PCCA: variants seen among roughly 807,000 people sequenced by gnomAD.
PCCA encodes the protein propionyl-CoA carboxylase alpha chain, mitochondrial.
In PCCA, 74 loss-of-function variants were observed where a neutral mutation model predicts 101.3. That is an observed-to-expected ratio of 0.73 (90% confidence interval 0.61 to 0.89). PCCA has a LOEUF of 0.89. Ranked by LOEUF, PCCA falls within the 40% of genes least tolerant of loss-of-function variation. The probability of loss-of-function intolerance (pLI) is 0.00; values close to 1 mark genes in which losing one functional copy is unlikely to be tolerated. For synonymous variants in PCCA, 294 were observed against 313.6 expected, an observed-to-expected ratio of 0.94 and a Z score of 0.66; for missense variants, 891 against 907.0, an observed-to-expected ratio of 0.98 and a Z score of 0.23.
chr13:100,376,802 A>G (rs575799620), intron 19 of PCCA, among the ~76,000 whole-genome samples: 15 of 152,048 alleles, frequency 9.9e-5, no homozygotes, highest in Non-Finnish European at 2.2e-4. Flanking sequence ...CCCCGTTTCC[A>G]GGGGAGTGAA....
intron 7 of PCCA, among the ~76,000 whole-genome samples, chr13:100,227,601 G>T (rs1030650150): frequency 6.6e-6 from 1 of 152,098 alleles, no homozygotes; most frequent in African/African-American, 2.4e-5. Flanking sequence ...CCTTTTCTCC[G>T]TTTCTTAAGC....
At chr13:100,140,909 CAG>C (rs1226652346) in intron 4 of PCCA, among the ~76,000 whole-genome samples, 1 of 152,096 alleles carries the variant, frequency 6.6e-6, no homozygotes, top group Non-Finnish European at 1.5e-5. Context: ...GGTTAGATAA[CAG>C]AGGAAAATAA....
intron 18 of PCCA, among the ~76,000 whole-genome samples, chr13:100,361,444 CTTTTTT>C (rs71419745): frequency 6.7e-6 from 1 of 149,298 alleles, no homozygotes; most frequent in East Asian, 2.0e-4. Flanking sequence ...AAAATAATGT[CTTTTTT>C]TTTTTTTTTA....
At chr13:100,391,323 G>T (rs1393413141) in intron 19 of PCCA, among the ~76,000 whole-genome samples, 2 of 152,216 alleles carry the variant, frequency 1.3e-5, no homozygotes, top group East Asian at 3.9e-4. Flanking sequence ...GATGAAGGGA[G>T]AGTTGGTGAC....
chr13:100,390,120 A>G (rs1477115456), intron 19 of PCCA, among the ~76,000 whole-genome samples: 1 of 152,200 alleles, frequency 6.6e-6, no homozygotes, highest in Non-Finnish European at 1.5e-5. Context: ...AGCAGTAATA[A>G]TATTAGCTAA....
At chr13:100,222,462 G>A (rs763874230) in intron 7 of PCCA, among the ~76,000 whole-genome samples, 4 of 151,988 alleles carry the variant, frequency 2.6e-5, no homozygotes, top group Non-Finnish European at 5.9e-5. Context: ...TTTAAATTTG[G>A]CTATTAATTT....
intron 4 of PCCA, among the ~76,000 whole-genome samples, chr13:100,137,679 A>G (rs9585357): frequency 0.057 from 8,691 of 151,904 alleles, 850 homozygotes; most frequent in African/African-American, 0.2. Context: ...TGATGTTTGC[A>G]TCGTATTTTT....
chr13:100,155,630 A>G (rs1351194123), intron 5 of PCCA, among the ~76,000 whole-genome samples: 2 of 152,190 alleles, frequency 1.3e-5, no homozygotes, highest in Non-Finnish European at 2.9e-5. Context: ...AGTGGAATCC[A>G]AGGAAAAAAA....
chr13:100,328,371 TATAATAATAATAATAATA>T (rs58866207), intron 16 of PCCA, among the ~76,000 whole-genome samples: 2 of 141,882 alleles, frequency 1.4e-5, no homozygotes, highest in Non-Finnish European at 3.0e-5. Flanking sequence ...TCAAAAAATA[TATAATAATAATAATAATA>T]ATAATAATAA....
chr13:100,268,654 G>T, intron 10 of PCCA, 35 bp from the exon 11 acceptor site: 1 of 1,451,240 alleles, frequency 6.9e-7, no homozygotes, highest in Non-Finnish European at 9.7e-7. Context: ...TGTGGGTGTG[G>T]TTATATGGTT....
Position 100,264,014 on chromosome 13 carries a change from C to T in PCCA, c.819+1183C>T, listed in dbSNP as rs187226636. Among the ~76,000 whole-genome samples the T allele has an allele frequency of 3.3e-4, 47 of 141,460 alleles. No individual in the cohort carries two copies. The South Asian group carries it at 4.6e-3, about 14-fold the overall frequency. 92.8% of individuals were successfully genotyped at this position (141,460 alleles called of 152,430 possible). A position where few individuals can be genotyped will look rare whatever the true frequency, so the allele number is the denominator to read the frequency against. On this transcript the variant is annotated intron_variant, in intron 10 of 23. Coordinates refer to ENST00000376285, the MANE Select transcript of PCCA (RefSeq NM_000282.4). ...ACGGTATCTGTATATCGTATATATACGGTATCTGTATATCGTATATATACG... is the reference window on the plus strand; with the variant it reads ...ACGGTATCTGTATATCGTATATATATGGTATCTGTATATCGTATATATACG...
chr13:100,409,618 C>T (rs184885292), intron 19 of PCCA, among the ~76,000 whole-genome samples: 6 of 152,206 alleles, frequency 3.9e-5, no homozygotes, highest in South Asian at 2.1e-4. Flanking sequence ...GGCCCCTTCC[C>T]GCCTGGCTAT....
intron 19 of PCCA, among the ~76,000 whole-genome samples, chr13:100,384,799 A>G (rs1325249848): frequency 6.6e-6 from 1 of 152,156 alleles, no homozygotes; most frequent in African/African-American, 2.4e-5. Flanking sequence ...TATGGCTTAA[A>G]TACAGAGAAG....
intron 19 of PCCA, among the ~76,000 whole-genome samples, chr13:100,416,621 C>G (rs541312681): frequency 3.3e-5 from 5 of 151,882 alleles, no homozygotes; most frequent in African/African-American, 1.2e-4. Context: ...CAACCTCCAC[C>G]TGCCGGGTTC....
At chr13:100,490,545 A>G (rs2084827939) in intron 21 of PCCA, 2 of 152,198 alleles carry the variant, frequency 1.3e-5, no homozygotes, top group South Asian at 2.1e-4. Context: ...GCACTTTTCT[A>G]AACATTTTTA....
chr13:100,382,470 C>T (rs2076282685), intron 19 of PCCA, among the ~76,000 whole-genome samples: 1 of 152,134 alleles, frequency 6.6e-6, no homozygotes, highest in South Asian at 2.1e-4. Flanking sequence ...GAGAAGTTCT[C>T]ACTTTGGGCC....
At chr13:100,178,950 G>C (rs1344211985) in intron 6 of PCCA, among the ~76,000 whole-genome samples, 2 of 151,536 alleles carry the variant, frequency 1.3e-5, no homozygotes, top group South Asian at 2.1e-4. Flanking sequence ...GGTGGCAGGC[G>C]CCTGTAATCC....
At chr13:100,359,832 T>C (rs1486824996) in intron 18 of PCCA, among the ~76,000 whole-genome samples, 1 of 152,228 alleles carries the variant, frequency 6.6e-6, no homozygotes, top group African/African-American at 2.4e-5. Context: ...GCTCATGGAC[T>C]GGAAGAGAAA....
At chr13:100,258,652 T>G (rs944030643) in intron 9 of PCCA, among the ~76,000 whole-genome samples, 1 of 152,154 alleles carries the variant, frequency 6.6e-6, no homozygotes, top group Non-Finnish European at 1.5e-5. Context: ...GGATTACTCT[T>G]TATAGTTTCT....
Sources: allele counts gnomAD v4.1 joint callset (sites outside exome capture counted in the v4.1 genomes callset), GRCh38; gene constraint gnomAD v4.1.1; transcripts MANE v1.5; gene names NCBI Gene and HGNC (gene_info 2026-07-23, HGNC 2026-07-21).